The following AFG1L variants were observed in gnomAD, a reference collection of about 807,000 sequenced individuals.
AFG1L encodes AFG1 like ATPase, also known as AFG1-like ATPase.
In AFG1L, 53 loss-of-function variants were observed where a neutral mutation model predicts 62.2. That is an observed-to-expected ratio of 0.85 (90% CI 0.68 to 1.07). The LOEUF (loss-of-function observed/expected upper bound fraction) is 1.07, where lower values mean the gene tolerates loss of function less well. AFG1L is among the 50% of genes least tolerant of loss of function. AFG1L has a pLI of 0.00. For missense variants in AFG1L, 555 were observed against 590.5 expected (o/e 0.94, Z 0.62); for synonymous variants, 228 against 210.3 (o/e 1.08, Z -0.73).
At chr6:108,353,874 A>G (rs1237956416) in intron 3 of AFG1L, among the ~76,000 whole-genome samples, 1 of 152,196 alleles carries the variant, frequency 6.6e-6, no homozygotes, top group East Asian at 1.9e-4. Flanking sequence ...TGTTTGGTGG[A>G]TTGTTTTTTC....
chr6:108,511,246 T>C (rs1399979969), intron 11 of AFG1L, among the ~76,000 whole-genome samples: 2 of 151,990 alleles, frequency 1.3e-5, no homozygotes, highest in African/African-American at 4.8e-5. Flanking sequence ...TAGAGGACCC[T>C]TCTGAATATT....
At chr6:108,398,906 C>G (rs1781431343) in intron 6 of AFG1L, among the ~76,000 whole-genome samples, 1 of 152,100 alleles carries the variant, frequency 6.6e-6, no homozygotes, top group South Asian at 2.1e-4. Flanking sequence ...GTTATTTTTA[C>G]TCAGGAGAGC....
chr6:108,361,185 C>T (rs1779513093), intron 5 of AFG1L, among the ~76,000 whole-genome samples: 1 of 152,264 alleles, frequency 6.6e-6, no homozygotes, highest in South Asian at 2.1e-4. Flanking sequence ...TGGCTCTTCT[C>T]TGACCTATGT....
At chr6:108,470,149 G>A (rs891554434) in intron 8 of AFG1L, among the ~76,000 whole-genome samples, 6 of 152,194 alleles carry the variant, frequency 3.9e-5, no homozygotes, top group Non-Finnish European at 8.8e-5. Context: ...CAAGTAAGGA[G>A]AGCAATGCCA....
intron 10 of AFG1L, among the ~76,000 whole-genome samples, chr6:108,487,661 G>T (rs1773623840): frequency 6.6e-6 from 1 of 152,168 alleles, no homozygotes; most frequent in African/African-American, 2.4e-5. Context: ...CTAAGGGTTG[G>T]AAAGGCTCCA....
chr6:108,444,020 C>T (rs1771657789), intron 7 of AFG1L, among the ~76,000 whole-genome samples: 1 of 151,890 alleles, frequency 6.6e-6, no homozygotes, highest in Admixed American at 6.6e-5. Context: ...TCCTGAAATC[C>T]CTTAGTCACC....
At chr6:108,390,665 G>A (rs1489902148) in intron 6 of AFG1L, among the ~76,000 whole-genome samples, 1 of 152,208 alleles carries the variant, frequency 6.6e-6, no homozygotes, top group Non-Finnish European at 1.5e-5. Flanking sequence ...ATCAGCATTG[G>A]AGGCTGCAAA....
chr6:108,518,817 A>G (rs1038935952), intron 11 of AFG1L, among the ~76,000 whole-genome samples: 7 of 152,264 alleles, frequency 4.6e-5, no homozygotes, highest in Non-Finnish European at 7.3e-5. Context: ...GGATGCTAAG[A>G]TAATAAATGT....
chr6:108,455,079 T>C (rs1772200474), intron 8 of AFG1L, among the ~76,000 whole-genome samples: 2 of 152,242 alleles, frequency 1.3e-5, no homozygotes, highest in South Asian at 2.1e-4. Flanking sequence ...GGGATATTTC[T>C]GATGTTTACA....
Position 108,356,024 on chromosome 6 carries a change from A to G in AFG1L, c.517+269A>G, listed in dbSNP as rs539569041. The stretch of plus-strand genomic sequence containing the variant: ...TGTTTCTACTAAGGGCCAATAAAAA[A>G]ATGTTAAAAATGCACCTGTTTAAAT... On this transcript the variant is annotated intron_variant, in intron 4 of 12. Transcript: ENST00000368977. 9.8e-5 allele frequency among the ~76,000 whole-genome samples: 15 copies of G among 152,338 alleles called. No individual in the cohort carries two copies. The South Asian group carries it at 2.5e-3, about 25-fold the overall frequency.
At chr6:108,416,832 G>A (rs1770316970) in intron 7 of AFG1L, among the ~76,000 whole-genome samples, 1 of 152,006 alleles carries the variant, frequency 6.6e-6, no homozygotes, top group Non-Finnish European at 1.5e-5. Flanking sequence ...TAAATGACGA[G>A]TTAATGGGTG....
intron 1 of AFG1L, among the ~76,000 whole-genome samples, chr6:108,322,818 A>G (rs1285819730): frequency 6.6e-6 from 1 of 152,144 alleles, no homozygotes; most frequent in Non-Finnish European, 1.5e-5. Flanking sequence ...GCTGCTGTTT[A>G]TTGTTGCTTC....
At chr6:108,449,024 T>G (rs1582604319) in intron 8 of AFG1L, among the ~76,000 whole-genome samples, 1 of 151,986 alleles carries the variant, frequency 6.6e-6, no homozygotes, top group Non-Finnish European at 1.5e-5. Context: ...GGCACCTGCC[T>G]GTAGTCCCAG....
chr6:108,356,206 G>A (rs1779281281), intron 4 of AFG1L, among the ~76,000 whole-genome samples: 1 of 152,166 alleles, frequency 6.6e-6, no homozygotes, highest in South Asian at 2.1e-4. Context: ...CCCCAGAGCA[G>A]GAATCATGTG....
chr6:108,419,925 C>A (rs758415473), intron 7 of AFG1L, among the ~76,000 whole-genome samples: 16 of 152,104 alleles, frequency 1.1e-4, no homozygotes, highest in Non-Finnish European at 1.8e-4. Context: ...CAGCCTTTGT[C>A]CAGCCATCTG....
intron 7 of AFG1L, among the ~76,000 whole-genome samples, chr6:108,436,906 G>A (rs1771337022): frequency 6.6e-6 from 1 of 152,194 alleles, no homozygotes; most frequent in Non-Finnish European, 1.5e-5. Context: ...TTATACCAGT[G>A]TTTGCTATTA....
chr6:108,433,709 C>T (rs371722846), intron 7 of AFG1L, among the ~76,000 whole-genome samples: 41 of 152,180 alleles, frequency 2.7e-4, no homozygotes, highest in Non-Finnish European at 5.1e-4. Flanking sequence ...TCTCCTGCCT[C>T]GGCTTTCTGA....
intron 6 of AFG1L, among the ~76,000 whole-genome samples, chr6:108,383,002 G>C (rs951531349): frequency 2.0e-5 from 3 of 152,224 alleles, no homozygotes; most frequent in Admixed American, 6.5e-5. Context: ...ACTTTGGAAG[G>C]CCAGGTGGGT....
chr6:108,440,676 C>T (rs534815898), intron 7 of AFG1L, among the ~76,000 whole-genome samples: 5 of 151,686 alleles, frequency 3.3e-5, no homozygotes, highest in South Asian at 2.1e-4. Context: ...AAAAATTAGC[C>T]GGGCATGGTG....
Sources: allele counts gnomAD v4.1 joint callset (sites outside exome capture counted in the v4.1 genomes callset), GRCh38; gene constraint gnomAD v4.1.1; transcripts MANE v1.5; gene names NCBI Gene and HGNC (gene_info 2026-07-23, HGNC 2026-07-21).